The following B3GLCT variants were observed in gnomAD, a reference collection of about 807,000 sequenced individuals.
The protein encoded by B3GLCT is beta 3-glucosyltransferase.
A neutral mutation model predicts 63.4 loss-of-function variants in B3GLCT; 65 were observed. The observed-to-expected ratio is 1.03, with a 90% CI of 0.84 to 1.26. The LOEUF (loss-of-function observed/expected upper bound fraction) is 1.26, where lower values mean the gene tolerates loss of function less well. B3GLCT is among the 50% of genes most tolerant of loss of function. The probability of loss-of-function intolerance (pLI) is 0.00; values close to 1 mark genes in which losing one functional copy is unlikely to be tolerated. For missense variants in B3GLCT, 577 were observed against 604.8 expected, an observed-to-expected ratio of 0.95 and a Z score of 0.48; for synonymous variants, 233 against 219.2, an observed-to-expected ratio of 1.06 and a Z score of -0.55.
chr13:31,232,362 A>G (rs569815808), intron 4 of B3GLCT, among the ~76,000 whole-genome samples: 30 of 152,310 alleles, frequency 2.0e-4, no homozygotes, highest in East Asian at 1.7e-3. Context: ...GAAACTTTCA[A>G]TCATGGCAGA....
At chr13:31,240,943 T>TA (rs533064737) in intron 4 of B3GLCT, among the ~76,000 whole-genome samples, 167 of 152,314 alleles carry the variant, frequency 1.1e-3, no homozygotes, top group African/African-American at 3.9e-3. Context: ...ATTTTTTTTT[T>TA]ATACACATTC....
Position 31,269,221 on chromosome 13 carries a change from A to G in B3GLCT, c.604A>G (p.Lys202Glu). 12 of 1,608,034 alleles carry G rather than the reference A, an allele frequency of 7.5e-6. No individual in the cohort carries two copies. Among genetic ancestry groups the G allele is most frequent in the South Asian group, 1.1e-5 (1 of 90,964 alleles). ...LSIPLVNKLT[K>E]RLKSESLKSD... is the part of the protein sequence containing the mutation. ...ATTGTCTCTATTTTCTAGGCTTACC[A>G]AGAGACTAAAGAGTGAATCCTTGAA... The change falls in exon 8 of 15, where the codon AAG becomes GAG. Residue 202 changes from lysine (K) to glutamate (E), a missense_variant. Transcript: ENST00000343307.
At chr13:31,214,754 T>A (rs577729335) in intron 1 of B3GLCT, among the ~76,000 whole-genome samples, 1 of 152,380 alleles carries the variant, frequency 6.6e-6, no homozygotes, top group East Asian at 1.9e-4. Flanking sequence ...TTTGTACACA[T>A]CTATTTTATA....
At chr13:31,232,334 C>G (rs532975410) in intron 4 of B3GLCT, among the ~76,000 whole-genome samples, 18 of 152,314 alleles carry the variant, frequency 1.2e-4, no homozygotes, top group African/African-American at 4.1e-4. Flanking sequence ...AGCATGACAG[C>G]TTCTGGGGAG....
intron 1 of B3GLCT, among the ~76,000 whole-genome samples, chr13:31,214,098 T>A (rs553084559): frequency 2.6e-5 from 4 of 152,248 alleles, no homozygotes; most frequent in South Asian, 4.1e-4. Flanking sequence ...CTGATTAAGG[T>A]CTCCTCTGCC....
chr13:31,244,099 G>T (rs1871081900), intron 4 of B3GLCT, among the ~76,000 whole-genome samples: 1 of 152,162 alleles, frequency 6.6e-6, no homozygotes, highest in Non-Finnish European at 1.5e-5. Context: ...CTTTATTCCA[G>T]ACAGCTCTTG....
intron 6 of B3GLCT, among the ~76,000 whole-genome samples, chr13:31,254,033 T>G (rs1871587162): frequency 6.6e-6 from 1 of 152,116 alleles, no homozygotes; most frequent in African/African-American, 2.4e-5. Context: ...AGGCAGTAAT[T>G]AATAGCCTAC....
At chr13:31,326,045 G>A (rs1381042875) in intron 14 of B3GLCT, among the ~76,000 whole-genome samples, 1 of 152,136 alleles carries the variant, frequency 6.6e-6, no homozygotes, top group African/African-American at 2.4e-5. Flanking sequence ...TAATGGACAT[G>A]GCAGTGTGCA....
At chr13:31,217,842 A>G (rs890159044) in intron 2 of B3GLCT, among the ~76,000 whole-genome samples, 18 of 152,204 alleles carry the variant, frequency 1.2e-4, no homozygotes, top group African/African-American at 4.3e-4. Flanking sequence ...GCCTTGAAAT[A>G]TAGTTTGAAG....
At chr13:31,294,057 C>T (rs966855340) in intron 12 of B3GLCT, among the ~76,000 whole-genome samples, 6 of 152,130 alleles carry the variant, frequency 3.9e-5, no homozygotes, top group African/African-American at 9.7e-5. Flanking sequence ...ATTTCTCTTT[C>T]GCTTATGAAG....
rs9671155 is a variant in B3GLCT, at chr13:31,266,436, A to G, written c.597-2778A>G. Among the ~76,000 whole-genome samples the G allele has an allele frequency of 5.4e-3, 820 of 152,362 alleles. 11 individuals carry two copies. The highest frequency in any genetic ancestry group is 0.019 in the African/African-American group (797 of 41,590). On this transcript the variant is annotated intron_variant, in intron 7 of 14. Coordinates refer to ENST00000343307, the MANE Select transcript of B3GLCT (RefSeq NM_194318.4). Reference sequence around the variant, plus strand: ...TAAGTAACTGGAATTTCTGGCTTTCATTGGTTTTTTGGTATTGTTGGTTAC... The same window carrying G: ...TAAGTAACTGGAATTTCTGGCTTTCGTTGGTTTTTTGGTATTGTTGGTTAC...
intron 4 of B3GLCT, among the ~76,000 whole-genome samples, chr13:31,235,731 G>A (rs1014015912): frequency 6.6e-5 from 10 of 152,148 alleles, no homozygotes; most frequent in Non-Finnish European, 1.5e-4. Flanking sequence ...GTACAACTCA[G>A]CAGTGTCAAG....
At chr13:31,240,187 G>A (rs1870857184) in intron 4 of B3GLCT, among the ~76,000 whole-genome samples, 1 of 152,172 alleles carries the variant, frequency 6.6e-6, no homozygotes, top group Non-Finnish European at 1.5e-5. Flanking sequence ...ATTATTGGGG[G>A]CAGAGGTCGG....
chr13:31,318,641 G>GA (rs1466999924), intron 13 of B3GLCT, among the ~76,000 whole-genome samples: 1 of 152,128 alleles, frequency 6.6e-6, no homozygotes, highest in Non-Finnish European at 1.5e-5. Context: ...GGAGGCCTTT[G>GA]AAAAGACACT....
At chr13:31,217,756 T>C (rs1423731902) in intron 2 of B3GLCT, among the ~76,000 whole-genome samples, 4 of 152,230 alleles carry the variant, frequency 2.6e-5, no homozygotes, top group Non-Finnish European at 4.4e-5. Context: ...TGTGGCTTTA[T>C]TTCTGGGTTC....
intron 4 of B3GLCT, among the ~76,000 whole-genome samples, chr13:31,234,069 G>T (rs1050051369): frequency 6.6e-6 from 1 of 151,516 alleles, no homozygotes; most frequent in African/African-American, 2.4e-5. Context: ...CCAGGCTGGA[G>T]TGCAGTGGCG....
At chr13:31,227,511 C>T (rs1028149955) in intron 3 of B3GLCT, among the ~76,000 whole-genome samples, 1 of 152,046 alleles carries the variant, frequency 6.6e-6, no homozygotes, top group Admixed American at 6.5e-5. Flanking sequence ...CATATAAAGC[C>T]GAGAAGCTGG....
chr13:31,331,647 AT>A lies in B3GLCT; in HGVS notation c.*1980del, dbSNP rs1875930966. The A allele has an allele frequency of 6.6e-6, 1 of 152,248 alleles. No homozygotes were observed. The highest frequency in any genetic ancestry group is 2.4e-5 in the African/African-American group (1 of 41,470). 9.4% of individuals were successfully genotyped at this position (152,248 alleles called of 1,614,324 possible). ...TCAGTAAATACAGTTTAAAGAGAGAATAATTACTTCAGAGCTACCCTTTTAA... is the reference window on the plus strand; with the variant it reads ...TCAGTAAATACAGTTTAAAGAGAGAAAATTACTTCAGAGCTACCCTTTTAA... On this transcript the variant is annotated 3_prime_UTR_variant, in exon 15 of 15. Coordinates refer to ENST00000343307, the MANE Select transcript of B3GLCT (RefSeq NM_194318.4).
intron 6 of B3GLCT, among the ~76,000 whole-genome samples, chr13:31,251,941 G>GA (rs1278455176): frequency 1.3e-5 from 2 of 151,870 alleles, no homozygotes; most frequent in Admixed American, 6.6e-5. Flanking sequence ...TGAAATGAAG[G>GA]AAAAAAATGT....
Sources: gnomAD v4.1 joint callset for allele counts (sites outside exome capture counted in the v4.1 genomes callset) on GRCh38, gnomAD v4.1.1 for gene constraint, MANE v1.5 for transcripts, NCBI Gene and HGNC (gene_info 2026-07-23, HGNC 2026-07-21) for gene names.